The following RASSF8 variants were observed in gnomAD, a reference collection of about 807,000 sequenced individuals.
RASSF8 encodes Ras association domain family member 8.
Under a neutral mutation model 48.5 loss-of-function variants are expected in RASSF8, and 22 were observed. That is an observed-to-expected ratio of 0.45 (90% CI 0.32 to 0.65). The LOEUF is 0.65. RASSF8 is among the 30% of genes least tolerant of loss of function. The probability of loss-of-function intolerance (pLI) is 0.03; values close to 1 mark genes in which losing one functional copy is unlikely to be tolerated. For missense variants in RASSF8, 418 were observed against 489.2 expected, an observed-to-expected ratio of 0.85 and a Z score of 1.37; for synonymous variants, 127 against 171.5, an observed-to-expected ratio of 0.74 and a Z score of 2.03.
intron 2 of RASSF8, among the ~76,000 whole-genome samples, chr12:26,005,424 G>A (rs941011886): frequency 6.6e-6 from 1 of 152,168 alleles, no homozygotes; most frequent in African/African-American, 2.4e-5. Flanking sequence ...ACCGGTGACT[G>A]TCATCTTAAT....
intron 2 of RASSF8, chr12:26,020,184 C>CTG (rs1445719141): frequency 6.6e-6 from 1 of 152,076 alleles, no homozygotes; most frequent in Admixed American, 6.5e-5. Flanking sequence ...GGCTGTTGAA[C>CTG]TGTGGAGGCA....
intron 5 of RASSF8, 148 bp from the exon 6 acceptor site, chr12:26,068,549 T>C: frequency 3.2e-6 from 2 of 634,230 alleles, no homozygotes; most frequent in Non-Finnish European, 5.4e-6. Flanking sequence ...GGTTTTAGCC[T>C]TCTCCCCCAG....
intron 2 of RASSF8, among the ~76,000 whole-genome samples, chr12:26,000,634 A>G (rs1326475368): frequency 6.6e-6 from 1 of 152,198 alleles, no homozygotes; most frequent in Non-Finnish European, 1.5e-5. Context: ...CCTAGATGGT[A>G]TAGCCTCCTA....
rs375951055 is a variant in RASSF8 at position 26,043,591 on chromosome 12, A to G, written c.-108-11645A>G. Among the ~76,000 whole-genome samples, 51 of 152,354 alleles carry G rather than the reference A, an allele frequency of 3.3e-4. 1 individual carries two copies. Among genetic ancestry groups the G allele is most frequent in the South Asian group, 2.9e-3 (14 of 4,828 alleles). On this transcript the variant is annotated intron_variant, in intron 2 of 5. Coordinates refer to ENST00000689635, the MANE Select transcript of RASSF8 (RefSeq NM_001394098.1). Reference sequence around the variant, plus strand: ...AGGCAGGGAGATCAGTTAGCAGGCAATTGCAGCATGCAGCAGTTTTGTTCC... The same window carrying G: ...AGGCAGGGAGATCAGTTAGCAGGCAGTTGCAGCATGCAGCAGTTTTGTTCC...
At chr12:26,015,154 C>T (rs940135004) in intron 2 of RASSF8, among the ~76,000 whole-genome samples, 4 of 151,008 alleles carry the variant, frequency 2.6e-5, no homozygotes, top group Non-Finnish European at 5.9e-5. Context: ...CTTCAGTGAG[C>T]TGAGATCGTG....
intron 2 of RASSF8, among the ~76,000 whole-genome samples, chr12:26,040,469 G>C (rs1190059984): frequency 2.0e-5 from 3 of 152,226 alleles, no homozygotes; most frequent in Admixed American, 2.0e-4. Context: ...TTGTTCTAAA[G>C]TTTGGAAGAG....
intron 2 of RASSF8, among the ~76,000 whole-genome samples, chr12:26,035,882 TTATA>T (rs1381785125): frequency 6.9e-6 from 1 of 145,228 alleles, no homozygotes; most frequent in African/African-American, 2.5e-5. Context: ...ATATTATATA[TTATA>T]TATAATTATA....
At chr12:26,015,169 C>T (rs528471788) in intron 2 of RASSF8, among the ~76,000 whole-genome samples, 7 of 150,222 alleles carry the variant, frequency 4.7e-5, no homozygotes, top group African/African-American at 7.3e-5. Context: ...ATCGTGCCAT[C>T]GTACTCCAGC....
At chr12:26,038,188 CTTTTA>C (rs1294524840) in intron 2 of RASSF8, among the ~76,000 whole-genome samples, 1 of 152,130 alleles carries the variant, frequency 6.6e-6, no homozygotes, top group Non-Finnish European at 1.5e-5. Flanking sequence ...CTGTTTTGTA[CTTTTA>C]TTCTTAGAGT....
chr12:25,992,146 A>G (rs1942029896), intron 1 of RASSF8, among the ~76,000 whole-genome samples: 1 of 152,222 alleles, frequency 6.6e-6, no homozygotes, highest in South Asian at 2.1e-4. Flanking sequence ...ACCACTGTAC[A>G]ATCTGCTGCC....
intron 1 of RASSF8, among the ~76,000 whole-genome samples, chr12:25,966,361 G>T (rs1255992722): frequency 6.6e-6 from 1 of 152,232 alleles, no homozygotes; most frequent in African/African-American, 2.4e-5. Context: ...GTGCCACCAT[G>T]CCCGGCTGTT....
intron 2 of RASSF8, among the ~76,000 whole-genome samples, chr12:26,001,279 A>G (rs1199233770): frequency 1.3e-5 from 2 of 151,264 alleles, no homozygotes; most frequent in African/African-American, 4.9e-5. Flanking sequence ...AAGCAGTCCA[A>G]CCACCTCAGC....
At chr12:26,053,239 CA>C (rs894532308) in intron 2 of RASSF8, among the ~76,000 whole-genome samples, 5 of 150,726 alleles carry the variant, frequency 3.3e-5, no homozygotes, top group African/African-American at 4.9e-5. Context: ...TTCTTGGTGG[CA>C]GGGGGGCTTT....
At chr12:25,993,112 C>T (rs1005361744) in intron 1 of RASSF8, among the ~76,000 whole-genome samples, 1 of 152,158 alleles carries the variant, frequency 6.6e-6, no homozygotes, top group Admixed American at 6.5e-5. Context: ...CAGAGACACC[C>T]TGAGCACATT....
At chr12:26,044,614 A>G (rs1161177066) in intron 2 of RASSF8, among the ~76,000 whole-genome samples, 1 of 152,236 alleles carries the variant, frequency 6.6e-6, no homozygotes, top group Non-Finnish European at 1.5e-5. Flanking sequence ...AATAAAGGAC[A>G]GAGACCAGGC....
At chr12:26,045,069 T>C (rs1193718102) in intron 2 of RASSF8, among the ~76,000 whole-genome samples, 1 of 152,212 alleles carries the variant, frequency 6.6e-6, no homozygotes, top group Non-Finnish European at 1.5e-5. Flanking sequence ...TTAGATTTTC[T>C]TCAGAAAACA....
intron 2 of RASSF8, among the ~76,000 whole-genome samples, chr12:26,033,824 C>G (rs1330831810): frequency 6.6e-6 from 1 of 152,142 alleles, no homozygotes; most frequent in Non-Finnish European, 1.5e-5. Flanking sequence ...CCACTCAGAT[C>G]TCAGCTCCCA....
chr12:25,992,375 T>C (rs1419079720), intron 1 of RASSF8, among the ~76,000 whole-genome samples: 1 of 152,196 alleles, frequency 6.6e-6, no homozygotes, highest in East Asian at 1.9e-4. Context: ...CCTGGGCCAG[T>C]TATTTAACCT....
At chr12:26,016,783 A>G (rs1238722180) in intron 2 of RASSF8, among the ~76,000 whole-genome samples, 6 of 152,172 alleles carry the variant, frequency 3.9e-5, no homozygotes, top group African/African-American at 1.4e-4. Flanking sequence ...ATTTTCATCT[A>G]TCCTGTTGAA....
Sources: allele counts gnomAD v4.1 joint callset (sites outside exome capture counted in the v4.1 genomes callset), GRCh38; gene constraint gnomAD v4.1.1; transcripts MANE v1.5; gene names NCBI Gene and HGNC (gene_info 2026-07-23, HGNC 2026-07-21).